NUP160: variants seen among roughly 807,000 people sequenced by gnomAD.
NUP160 encodes the protein nucleoporin 160, also known as nuclear pore complex protein Nup160.
Under a neutral mutation model 196.9 loss-of-function variants are expected in NUP160, and 94 were observed. The observed-to-expected ratio is 0.48, with a 90% CI of 0.40 to 0.57. The LOEUF (loss-of-function observed/expected upper bound fraction) is 0.57. NUP160 is among the 20% of genes least tolerant of loss of function. The probability of loss-of-function intolerance (pLI) is 0.00; values close to 1 mark genes in which losing one functional copy is unlikely to be tolerated. For missense variants in NUP160, 1,638 were observed against 1,748.3 expected (o/e 0.94, Z 1.13); for synonymous variants, 605 against 619.7 (o/e 0.98, Z 0.35).
chr11:47,795,069 C>T (rs780669342), intron 27 of NUP160, among the ~76,000 whole-genome samples: 10 of 151,906 alleles, frequency 6.6e-5, no homozygotes, highest in Admixed American at 1.3e-4. Context: ...CACTGCACTC[C>T]AGGCTGATCG....
intron 7 of NUP160, among the ~76,000 whole-genome samples, chr11:47,833,412 G>A (rs1368096893): frequency 1.3e-5 from 2 of 150,744 alleles, no homozygotes; most frequent in Non-Finnish European, 2.9e-5. Context: ...TTGAGGTCAC[G>A]CTACTGCACT....
At chr11:47,825,266 G>C (rs1325254737) in intron 7 of NUP160, among the ~76,000 whole-genome samples, 1 of 151,768 alleles carries the variant, frequency 6.6e-6, no homozygotes, top group African/African-American at 2.4e-5. Context: ...TACAGTGCCT[G>C]GCTTGATGAA....
At chr11:47,837,609 C>T (rs1852202004) in exon 5 of NUP160, 25 of 1,613,880 alleles carry the variant, frequency 1.5e-5, no homozygotes, top group East Asian at 6.7e-5. Flanking sequence ...TTCAGTTCCA[C>T]GACTGACACC....
At position 47,848,338 on chromosome 11, in the gene NUP160, C is replaced by T. The variant is rs776722314; in HGVS notation, c.83G>A (p.Arg28His). Residue 28 changes from arginine (R) to histidine (H), a missense_variant, in exon 1 of 36, where the codon CGT becomes CAT. Around this residue, in one of 3 missense-constraint regions of NUP160, gnomAD observed 287 missense variants for 259.5 expected, o/e 1.11. Transcript: ENST00000378460. ...CGCCATCTTCCCGCCGTCGCCGCGA[C>T]GCCCAACGGAACAAAGGCAGGGCCG... 26 of 1,613,334 alleles carry T rather than the reference C, an allele frequency of 1.6e-5. No homozygotes were observed. Among genetic ancestry groups the T allele is most frequent in the East Asian group, 4.5e-5 (2 of 44,878 alleles).
intron 7 of NUP160, among the ~76,000 whole-genome samples, chr11:47,822,841 T>C (rs1443834854): frequency 1.3e-5 from 2 of 152,198 alleles, no homozygotes; most frequent in African/African-American, 2.4e-5. Context: ...GTCCTTGTGA[T>C]AGTTTTCTCA....
rs749972743 is a variant in NUP160, at chr11:47,822,122, T to C, written c.1144A>G (p.Ser382Gly). The change falls in exon 8 of 36, where the codon AGT becomes GGT. Residue 382 changes from serine to glycine, a missense_variant. Transcript: ENST00000378460. ...AACAGTGAAGAAATATGATCGAGAC[T>C]ATAGCGATTACTCTCAGTGCTCACC... The C allele has an allele frequency of 5.6e-6, 9 of 1,611,318 alleles. No homozygotes were observed. In the South Asian group the frequency reaches 8.8e-5, roughly 16 times the overall value.
intron 35 of NUP160, among the ~76,000 whole-genome samples, chr11:47,780,031 A>T (rs555862233): frequency 6.6e-6 from 1 of 152,308 alleles, no homozygotes; most frequent in East Asian, 1.9e-4. Context: ...CGCCCGGCCT[A>T]TCATTGCTGT....
intron 2 of NUP160, among the ~76,000 whole-genome samples, chr11:47,841,027 C>T (rs980982796): frequency 6.6e-6 from 1 of 151,990 alleles, no homozygotes; most frequent in Non-Finnish European, 1.5e-5. Flanking sequence ...TACACACACA[C>T]ACACAGAATA....
rs189334335 is a variant in NUP160 at position 47,843,048 on chromosome 11, T to C, written c.315-2460A>G. ...CCAATTATCCTAACACTCTACCTTC[T>C]CAGTTCCCCAAATTCCTTTCCTCTA... On this transcript the variant is annotated intron_variant, in intron 2 of 35. Transcript: ENST00000378460. Among the ~76,000 whole-genome samples the C allele has an allele frequency of 2.4e-4, 37 of 152,212 alleles. No individual in the cohort carries two copies. In the East Asian group the frequency reaches 6.0e-3, roughly 25 times the overall value.
At position 47,787,874 on chromosome 11, in the gene NUP160, C is replaced by T. The variant is rs893029687; in HGVS notation, c.3746+308G>A. Reference sequence around the variant, plus strand: ...CTGGGACTACAGGCGCCCGCCACCACGCCCGACTAATTTTTTTTGTATTAT... The same window carrying T: ...CTGGGACTACAGGCGCCCGCCACCATGCCCGACTAATTTTTTTTGTATTAT... On this transcript the variant is annotated intron_variant, in intron 31 of 35. Coordinates refer to ENST00000378460, the Ensembl canonical transcript of NUP160. Among the ~76,000 whole-genome samples the T allele has an allele frequency of 1.8e-4, 27 of 152,126 alleles. 1 individual carries two copies. Among genetic ancestry groups the T allele is most frequent in the African/African-American group, 4.8e-5 (2 of 41,426 alleles).
chr11:47,818,243 G>C, intron 10 of NUP160, 119 bp from the exon 11 acceptor site: 1 of 660,196 alleles, frequency 1.5e-6, no homozygotes, highest in East Asian at 2.6e-5. Flanking sequence ...TTCTATATGT[G>C]GGCAATAACA....
intron 7 of NUP160, among the ~76,000 whole-genome samples, chr11:47,822,566 TTTC>T (rs899148885): frequency 4.6e-5 from 7 of 151,856 alleles, no homozygotes; most frequent in South Asian, 2.1e-4. Context: ...AAAAATTTTT[TTTC>T]TTTTCTTTTT....
chr11:47,847,005 C>T (rs1417005168), intron 2 of NUP160, among the ~76,000 whole-genome samples: 2 of 152,150 alleles, frequency 1.3e-5, no homozygotes, highest in African/African-American at 4.8e-5. Context: ...AATTATTACT[C>T]AATGTACTTA....
intron 2 of NUP160, among the ~76,000 whole-genome samples, chr11:47,840,880 C>T (rs944484193): frequency 2.0e-5 from 3 of 152,022 alleles, no homozygotes; most frequent in Admixed American, 6.6e-5. Context: ...AAATTAACAC[C>T]ATACCCCGGC....
intron 7 of NUP160, chr11:47,827,294 G>T (rs1295872884): frequency 5.3e-6 from 2 of 375,812 alleles, no homozygotes; most frequent in Admixed American, 3.2e-5. Context: ...AACCTGAGAG[G>T]TGGAGGTTGC....
intron 17 of NUP160, among the ~76,000 whole-genome samples, chr11:47,809,985 T>C (rs2097680205): frequency 6.6e-6 from 1 of 152,086 alleles, no homozygotes; most frequent in Admixed American, 6.6e-5. Context: ...TTTTTGCTTA[T>C]ATATATTTTG....
chr11:47,847,061 G>A (rs1852413682), intron 2 of NUP160, among the ~76,000 whole-genome samples: 1 of 152,154 alleles, frequency 6.6e-6, no homozygotes, highest in Admixed American at 6.6e-5. Context: ...GGTCCCTCAT[G>A]GTCCGAGTCC....
Position 47,824,038 on chromosome 11 carries a change from TATATATATATATATAC to T in NUP160, c.1102-1890_1102-1875del, listed in dbSNP as rs1447010724. Among the ~76,000 whole-genome samples, 535 of 127,024 alleles carry T rather than the reference TATATATATATATATAC, an allele frequency of 4.2e-3. 8 individuals carry two copies. The highest frequency in any genetic ancestry group is 0.014 in the African/African-American group (493 of 34,578). 83.3% of individuals were successfully genotyped at this position (127,024 alleles called of 152,430 possible). ...ATATATATATATATATATATATATA[TATATATATATATATAC>T]ACACACACATAGAAGTGGAATTTCT... On this transcript the variant is annotated intron_variant, in intron 7 of 35. Transcript: ENST00000378460.
rs544603294 is a variant in NUP160, at chr11:47,840,221, T to G, written c.526-156A>C. On this transcript the variant is annotated intron_variant, in intron 3 of 35. Transcript: ENST00000378460. ...AAACTAATTCTCAACTTAAAATGTA[T>G]GCCTGATCATTTTAAGCGGTAGCTA... is the stretch of plus-strand genomic sequence containing the variant. 2.2e-5 allele frequency: 18 copies of G among 829,622 alleles called. No homozygotes were observed. In the East Asian group the frequency reaches 4.5e-4, roughly 21 times the overall value. 51.4% of individuals were successfully genotyped at this position (829,622 alleles called of 1,614,324 possible). A position where few individuals can be genotyped will look rare whatever the true frequency, so the allele number is the denominator to read the frequency against.
Sources: gnomAD v4.1 joint callset for allele counts (sites outside exome capture counted in the v4.1 genomes callset) on GRCh38, gnomAD v4.1.1 for gene constraint, gnomAD v4.1.1 regional missense constraint, MANE v1.5 for transcripts, NCBI Gene and HGNC (gene_info 2026-07-23, HGNC 2026-07-21) for gene names.